KCNH1: variants seen among roughly 807,000 people sequenced by gnomAD.
KCNH1 encodes the protein potassium voltage-gated channel subfamily H member 1, also known as voltage-gated delayed rectifier potassium channel KCNH1.
KCNH1 carries 27 observed loss-of-function variants against 69.2 expected under a neutral mutation model. That is an observed-to-expected ratio of 0.39 (90% CI 0.29 to 0.54). KCNH1 has a LOEUF of 0.54. KCNH1 is among the 20% of genes least tolerant of loss of function. KCNH1 has a pLI of 0.68. For synonymous variants in KCNH1, 456 were observed against 487.7 expected (o/e 0.93, Z 0.86); for missense variants, 798 against 1,261.6 (o/e 0.63, Z 5.57).
chr1:211,000,178 G>T (rs1558561901), intron 6 of KCNH1, among the ~76,000 whole-genome samples: 1 of 152,138 alleles, frequency 6.6e-6, no homozygotes, highest in South Asian at 2.1e-4. Context: ...TCAGGCAGGG[G>T]AAAGAAATAA....
chr1:210,969,662 C>A (rs1017147412), intron 6 of KCNH1, among the ~76,000 whole-genome samples: 1 of 152,054 alleles, frequency 6.6e-6, no homozygotes, highest in Non-Finnish European at 1.5e-5. Context: ...GCCTTCTCAC[C>A]AAAGTTTTAT....
chr1:211,011,780 A>G (rs1236480706), intron 6 of KCNH1, among the ~76,000 whole-genome samples: 2 of 152,220 alleles, frequency 1.3e-5, no homozygotes, highest in Admixed American at 6.5e-5. Context: ...TGCAAGGCAC[A>G]GCATCTACAG....
At position 210,694,659 on chromosome 1, in the gene KCNH1, G is replaced by T. The variant is rs958709216; in HGVS notation, c.2113-10521C>A. 7.2e-5 allele frequency among the ~76,000 whole-genome samples: 11 copies of T among 152,354 alleles called. 1 individual carries two copies. The South Asian group carries it at 2.3e-3, about 32-fold the overall frequency. On this transcript the variant is annotated intron_variant, in intron 10 of 10. Coordinates refer to ENST00000271751, the MANE Select transcript of KCNH1 (RefSeq NM_172362.3). Reference sequence around the variant, plus strand: ...GCCCCCTGGGGAGAGCCTCTGTTTTGTGATGGATTTCACAGGACTTCACAG... The same window carrying T: ...GCCCCCTGGGGAGAGCCTCTGTTTTTTGATGGATTTCACAGGACTTCACAG...
At chr1:210,983,123 T>C (rs893499926) in intron 6 of KCNH1, among the ~76,000 whole-genome samples, 3 of 151,912 alleles carry the variant, frequency 2.0e-5, no homozygotes, top group Non-Finnish European at 4.4e-5. Context: ...GGTTGTTTGT[T>C]TTTTTCTTGT....
intron 7 of KCNH1, among the ~76,000 whole-genome samples, chr1:210,914,007 A>C (rs960173935): frequency 1.2e-4 from 18 of 152,124 alleles, no homozygotes; most frequent in Non-Finnish European, 1.6e-4. Flanking sequence ...TGGAAAAAAA[A>C]GCCATATGGG....
intron 9 of KCNH1, among the ~76,000 whole-genome samples, chr1:210,785,181 T>C (rs1185110782): frequency 6.6e-6 from 1 of 152,150 alleles, no homozygotes; most frequent in Non-Finnish European, 1.5e-5. Context: ...GGCAGGACTA[T>C]TGAGATTTCA....
intron 7 of KCNH1, among the ~76,000 whole-genome samples, chr1:210,899,392 CA>C (rs140058337): frequency 0.017 from 2,516 of 152,134 alleles, 79 homozygotes; most frequent in African/African-American, 0.056. Flanking sequence ...AGTCAACATG[CA>C]ATAACTTTAT....
At chr1:210,858,521 T>C (rs1685905431) in intron 7 of KCNH1, 1 of 152,240 alleles carries the variant, frequency 6.6e-6, no homozygotes, top group African/African-American at 2.4e-5. Flanking sequence ...ATTTTATGCA[T>C]AGGCTAGCAG....
intron 5 of KCNH1, among the ~76,000 whole-genome samples, chr1:211,040,580 C>A (rs1318752082): frequency 2.0e-5 from 3 of 152,172 alleles, no homozygotes; most frequent in Non-Finnish European, 4.4e-5. Context: ...ATCTCTTTTT[C>A]TTCCCAGTCT....
intron 6 of KCNH1, among the ~76,000 whole-genome samples, chr1:210,977,020 G>A (rs1688625756): frequency 6.6e-6 from 1 of 151,954 alleles, no homozygotes; most frequent in South Asian, 2.1e-4. Flanking sequence ...TGTTTATTGT[G>A]GCACTATTCA....
intron 6 of KCNH1, among the ~76,000 whole-genome samples, chr1:210,949,353 T>C (rs1223583478): frequency 6.6e-6 from 1 of 152,222 alleles, no homozygotes; most frequent in African/African-American, 2.4e-5. Context: ...CTTTCCGATG[T>C]CTTTAACCCT....
chr1:210,860,746 G>A, intron 7 of KCNH1: 3 of 789,284 alleles, frequency 3.8e-6, no homozygotes, highest in Non-Finnish European at 7.0e-6. Context: ...CACTTTCACA[G>A]GCATGTCTCT....
intron 2 of KCNH1, among the ~76,000 whole-genome samples, chr1:211,106,758 G>C (rs550743667): frequency 1.6e-4 from 25 of 152,222 alleles, no homozygotes; most frequent in Admixed American, 2.6e-4. Context: ...TCATGTCACT[G>C]TACTCCAGTC....
Position 211,133,983 on chromosome 1 carries a change from C to G in KCNH1, c.-38G>C, listed in dbSNP as rs78419103. On this transcript the variant is annotated 5_prime_UTR_variant, in exon 1 of 11. Coordinates refer to ENST00000271751, the MANE Select transcript of KCNH1 (RefSeq NM_172362.3). The surrounding 1 kb of genome is among the most constrained non-coding windows in gnomAD (Gnocchi z 5.4). ...TCGGGGTCCGGCGGGCGTCCTGGCG[C>G]GGCTTCTTACGACAGCAGGAAACTG... The G allele has an allele frequency of 4.7e-4, 745 of 1,572,804 alleles. 5 individuals carry two copies. In the East Asian group the frequency reaches 0.014, roughly 30 times the overall value.
rs1290077831 is a variant in KCNH1, at chr1:210,683,782, G to A, written c.2469C>T (p.Gly823=). Residue 823 remains glycine (G), a synonymous_variant, in exon 11 of 11, where the codon GGC becomes GGT. Transcript: ENST00000271751. The surrounding 1 kb of genome is among the most constrained non-coding windows in gnomAD (Gnocchi z 5.7). Reference sequence around the variant, plus strand: ...CACAATCGCCCCCGCCCCCCTTGGGGCCCAGGCACTCGGACCCTGGCGCCT... The same window carrying A: ...CACAATCGCCCCCGCCCCCCTTGGGACCCAGGCACTCGGACCCTGGCGCCT... ...KLQAPGSECL[G]PKGGGGDCAK... 6.2e-7 allele frequency: 1 copy of A among 1,613,758 alleles called. No individual in the cohort carries two copies. The highest frequency in any genetic ancestry group is 8.5e-7 in the Non-Finnish European group (1 of 1,180,026).
chr1:210,887,862 A>G (rs1686650844), intron 7 of KCNH1, among the ~76,000 whole-genome samples: 3 of 152,202 alleles, frequency 2.0e-5, no homozygotes, highest in African/African-American at 2.4e-5. Context: ...AGAGCTAACT[A>G]TCCTAAATAT....
intron 7 of KCNH1, among the ~76,000 whole-genome samples, chr1:210,889,401 A>G (rs965613382): frequency 2.6e-5 from 4 of 152,346 alleles, no homozygotes; most frequent in African/African-American, 9.6e-5. Flanking sequence ...GACGGAACGT[A>G]TCTCAAAATA....
chr1:210,696,380 T>C (rs1336356036), intron 10 of KCNH1, among the ~76,000 whole-genome samples: 16 of 152,188 alleles, frequency 1.1e-4, no homozygotes, highest in Non-Finnish European at 1.3e-4. Context: ...GTCCTCAGCA[T>C]CCCTTTTTGC....
intron 7 of KCNH1, among the ~76,000 whole-genome samples, chr1:210,837,020 G>C (rs1290023532): frequency 6.6e-6 from 1 of 152,154 alleles, no homozygotes; most frequent in Admixed American, 6.6e-5. Context: ...GAAGTCAGCA[G>C]TGCTTACCAT....
Sources: gnomAD v4.1 joint callset for allele counts (sites outside exome capture counted in the v4.1 genomes callset) on GRCh38, gnomAD v4.1.1 for gene constraint, Gnocchi (gnomAD v3.1) non-coding constraint, MANE v1.5 for transcripts, NCBI Gene and HGNC (gene_info 2026-07-23, HGNC 2026-07-21) for gene names.